Variants in PXDN observed in about 807,000 individuals in gnomAD.
The protein encoded by PXDN is peroxidasin.
In PXDN, 77 loss-of-function variants were observed where a neutral mutation model predicts 140.3. The ratio of observed to expected loss-of-function variants is 0.55; its 90% CI spans 0.46 to 0.66. The LOEUF is 0.66. Among genes scored for constraint, PXDN ranks in the 30% least tolerant of loss-of-function variants. The pLI is 0.00. For missense variants in PXDN, 1,838 were observed against 2,039.5 expected (o/e 0.90, Z 1.90); for synonymous variants, 911 against 857.4 (o/e 1.06, Z -1.09).
chr2:1,683,358 G>C (rs1683960904), intron 6 of PXDN, among the ~76,000 whole-genome samples: 1 of 143,532 alleles, frequency 7.0e-6, no homozygotes, highest in Admixed American at 7.1e-5. Flanking sequence ...TGAGGCTGCA[G>C]TGAGCTGTGA....
In PXDN at chr2:1,691,911, A is replaced by G; in HGVS notation, c.344+17T>C. The G allele has an allele frequency of 7.0e-7, 1 of 1,432,446 alleles. No homozygotes were observed. Among genetic ancestry groups the G allele is most frequent in the Admixed American group, 2.5e-5 (1 of 39,320 alleles). The allele number at this position is 1,432,446 out of a possible 1,614,324, so 88.7% of individuals were successfully genotyped here. A position where few individuals can be genotyped will look rare whatever the true frequency, so the allele number is the denominator to read the frequency against. On this transcript the variant is annotated intron_variant, in intron 3 of 22. Coordinates refer to ENST00000252804, the MANE Select transcript of PXDN (RefSeq NM_012293.3). ...ATACCATAAGCTTTTAGGTTAAAGA[A>G]CTGATCATTAACTTACAGATATTTT...
chr2:1,720,840 G>A (rs778388493), intron 1 of PXDN, among the ~76,000 whole-genome samples: 4 of 152,000 alleles, frequency 2.6e-5, no homozygotes, highest in African/African-American at 2.4e-5. Flanking sequence ...TGGTCCTCCC[G>A]GACCGCAGCT....
chr2:1,667,464 T>C (rs1024603775), intron 9 of PXDN, among the ~76,000 whole-genome samples: 1 of 152,052 alleles, frequency 6.6e-6, no homozygotes, highest in Non-Finnish European at 1.5e-5. Context: ...CCTGGACATA[T>C]ACACCCTCCT....
At chr2:1,726,064 C>A (rs1490750190) in intron 1 of PXDN, among the ~76,000 whole-genome samples, 2 of 151,958 alleles carry the variant, frequency 1.3e-5, no homozygotes, top group Non-Finnish European at 2.9e-5. Context: ...TTGACCCAGC[C>A]ATCCCATTAC....
intron 1 of PXDN, among the ~76,000 whole-genome samples, chr2:1,731,130 G>A (rs781508542): frequency 7.7e-5 from 11 of 141,962 alleles, no homozygotes; most frequent in Non-Finnish European, 1.4e-4. Flanking sequence ...CTTGCCAACA[G>A]AACACTGTTG....
chr2:1,737,030 G>C (rs1055898109), intron 1 of PXDN, among the ~76,000 whole-genome samples: 1 of 152,182 alleles, frequency 6.6e-6, no homozygotes, highest in African/African-American at 2.4e-5. Flanking sequence ...GTGTGGGGCT[G>C]ACCGCAGCCT....
intron 7 of PXDN, 134 bp downstream of exon 7, chr2:1,680,055 CGTGT>C: frequency 9.2e-7 from 1 of 1,087,788 alleles, no homozygotes; most frequent in Non-Finnish European, 1.3e-6. Context: ...TGTGTCTGCG[CGTGT>C]GTCTATAAAT....
chr2:1,669,117 G>A (rs1394379280), intron 9 of PXDN, among the ~76,000 whole-genome samples: 1 of 152,138 alleles, frequency 6.6e-6, no homozygotes, highest in African/African-American at 2.4e-5. Context: ...ATACTATGCA[G>A]CCATAAAAAA....
chr2:1,711,441 C>G (rs1271321498), intron 1 of PXDN, among the ~76,000 whole-genome samples: 1 of 132,906 alleles, frequency 7.5e-6, no homozygotes, highest in Non-Finnish European at 1.6e-5. Flanking sequence ...CTAGCACCCA[C>G]TCCACCAGCA....
At chr2:1,684,589 C>T (rs192085786) in intron 4 of PXDN, among the ~76,000 whole-genome samples, 2 of 152,294 alleles carry the variant, frequency 1.3e-5, no homozygotes, top group Admixed American at 1.3e-4. Context: ...TCATCATATA[C>T]TTTGACACAG....
At chr2:1,724,312 GTTTTT>G (rs34475212) in intron 1 of PXDN, among the ~76,000 whole-genome samples, 1 of 139,928 alleles carries the variant, frequency 7.1e-6, no homozygotes, top group Non-Finnish European at 1.5e-5. Context: ...CTGAATTTCC[GTTTTT>G]TTTTTTTTTT....
At chr2:1,635,954 C>A (rs548499475) in intron 21 of PXDN, 87 of 326,730 alleles carry the variant, frequency 2.7e-4, no homozygotes, top group African/African-American at 1.7e-3. Context: ...ACCTTTCCAA[C>A]CGCTGTGCCA....
rs1180777270 is a variant in PXDN, at chr2:1,660,199, G to A, written c.1837+682C>T. ...GTGGCCACAGGAGACATGGAGAAGG[G>A]TCAGGGACACATCATGGGCATCATG... On this transcript the variant is annotated intron_variant, in intron 14 of 22. Coordinates refer to ENST00000252804, the MANE Select transcript of PXDN (RefSeq NM_012293.3). This position sits in a 1 kb window ranked among gnomAD's most constrained non-coding sequence, Gnocchi z 4.6. Among the ~76,000 whole-genome samples, 1 of 152,168 alleles carries A rather than the reference G, an allele frequency of 6.6e-6. No individual in the cohort carries two copies. The highest frequency in any genetic ancestry group is 1.5e-5 in the Non-Finnish European group (1 of 68,028).
intron 1 of PXDN, among the ~76,000 whole-genome samples, chr2:1,722,275 C>T (rs898595435): frequency 1.3e-5 from 2 of 152,188 alleles, no homozygotes. Context: ...CGGTCAGCAG[C>T]CAGCATGGCC....
chr2:1,684,430 GCTGGC>G (rs1558507841), intron 4 of PXDN, among the ~76,000 whole-genome samples: 2 of 152,192 alleles, frequency 1.3e-5, no homozygotes, highest in African/African-American at 4.8e-5. Flanking sequence ...GAAGGGCAGT[GCTGGC>G]CTGGCCTGAC....
At chr2:1,679,088 A>ATGTGTG (rs111613941) in intron 7 of PXDN, among the ~76,000 whole-genome samples, 19,005 of 147,862 alleles carry the variant, frequency 0.13, 1,311 homozygotes, top group East Asian at 0.24. Context: ...ATGTGCATGC[A>ATGTGTG]TGTGTGTGTG....
In PXDN at chr2:1,663,760, C is replaced by A; in HGVS notation, c.1412G>T (p.Ser471Ile). The A allele has an allele frequency of 6.2e-7, 1 of 1,612,314 alleles. No individual in the cohort carries two copies. Among genetic ancestry groups the A allele is most frequent in the Non-Finnish European group, 8.5e-7 (1 of 1,179,860 alleles). ...GTGCCGCCGGTCCACGGAGAGCTGGCTCCCTGCAAGGGCATGGGCCCGTTA... is the reference window on the plus strand; with the variant it reads ...GTGCCGCCGGTCCACGGAGAGCTGGATCCCTGCAAGGGCATGGGCCCGTTA... ...PPVIAWTKGG[S>I]QLSVDRRHLV... The change falls in exon 12 of 23, where the codon AGC becomes ATC. Residue 471 changes from serine to isoleucine, a missense_variant. By Grantham distance (142) the Ser-to-Ile change is moderately radical (BLOSUM62 -2). Coordinates refer to ENST00000252804, the MANE Select transcript of PXDN (RefSeq NM_012293.3).
At chr2:1,743,707 G>A (rs1255759570) in intron 1 of PXDN, among the ~76,000 whole-genome samples, 2 of 32,270 alleles carry the variant, frequency 6.2e-5, no homozygotes, top group Non-Finnish European at 1.2e-4. Flanking sequence ...GGAAGGGGAG[G>A]AGGAGGAGGA....
intron 1 of PXDN, among the ~76,000 whole-genome samples, chr2:1,697,950 C>T (rs936719664): frequency 6.6e-6 from 1 of 152,186 alleles, no homozygotes; most frequent in African/African-American, 2.4e-5. Context: ...CTATAAGTGG[C>T]GTGATTACTA....
Sources: allele counts gnomAD v4.1 joint callset (sites outside exome capture counted in the v4.1 genomes callset), GRCh38; gene constraint gnomAD v4.1.1; non-coding constraint Gnocchi (gnomAD v3.1); transcripts MANE v1.5; gene names NCBI Gene and HGNC (gene_info 2026-07-23, HGNC 2026-07-21).